RTN3: variants seen among roughly 807,000 people sequenced by gnomAD.
The protein encoded by RTN3 is reticulon-3.
A neutral mutation model predicts 77.8 loss-of-function variants in RTN3; 49 were observed. That is an observed-to-expected ratio of 0.63 (90% CI 0.50 to 0.80). RTN3 has a LOEUF of 0.80. Among genes scored for constraint, RTN3 ranks in the 30% least tolerant of loss-of-function variants. RTN3 has a pLI of 0.00. For missense variants in RTN3, 1,236 were observed against 1,211.9 expected, an observed-to-expected ratio of 1.02 and a Z score of -0.29; for synonymous variants, 464 against 446.9, an observed-to-expected ratio of 1.04 and a Z score of -0.48.
At chr11:63,736,396 A>G (rs897269897) in intron 3 of RTN3, among the ~76,000 whole-genome samples, 3 of 152,198 alleles carry the variant, frequency 2.0e-5, no homozygotes, top group Non-Finnish European at 4.4e-5. Context: ...ACAATAAAAA[A>G]TAATATAAAG....
intron 1 of RTN3, among the ~76,000 whole-genome samples, chr11:63,703,095 A>T (rs1224414528): frequency 6.6e-6 from 1 of 152,186 alleles, no homozygotes; most frequent in Non-Finnish European, 1.5e-5. Context: ...TGGACCAAAA[A>T]TATTTTTTTA....
At chr11:63,757,579 T>A (rs482846) in intron 8 of RTN3, among the ~76,000 whole-genome samples, 152,179 of 152,216 alleles carry the variant, frequency 1, 76,071 homozygotes, top group Non-Finnish European at 1. Context: ...GGCCAGGCTT[T>A]AACTTCTGGC....
At chr11:63,756,802 CT>C (rs1345442056) in intron 8 of RTN3, among the ~76,000 whole-genome samples, 1 of 152,194 alleles carries the variant, frequency 6.6e-6, no homozygotes, top group Non-Finnish European at 1.5e-5. Context: ...AATCCCAACA[CT>C]TTGGGAGGCC....
At chr11:63,736,989 T>C (rs542206894) in intron 3 of RTN3, among the ~76,000 whole-genome samples, 1,672 of 150,694 alleles carry the variant, frequency 0.011, 31 homozygotes, top group African/African-American at 0.036. Context: ...TTTTTTTTTT[T>C]CCCTGTGATA....
At chr11:63,709,456 C>T (rs976676704) in intron 2 of RTN3, among the ~76,000 whole-genome samples, 2 of 151,898 alleles carry the variant, frequency 1.3e-5, no homozygotes, top group Non-Finnish European at 2.9e-5. Context: ...GCATTGGAAG[C>T]ATTGCATTAA....
intron 3 of RTN3, chr11:63,746,818 A>T: frequency 2.7e-6 from 1 of 371,370 alleles, no homozygotes; most frequent in Non-Finnish European, 5.5e-6. Flanking sequence ...CCGGCTGTTA[A>T]GGAAATTTAA....
chr11:63,720,440 A>T lies in RTN3; in HGVS notation c.1938A>T (p.Ile646=). ...ESLHGKNVKH[I]DDSSPEDLIA... Reference sequence around the variant, plus strand: ...TACATGGGAAAAATGTTAAACATATAGATGATTCCTCCCCAGAGGACCTGA... The same window carrying T: ...TACATGGGAAAAATGTTAAACATATTGATGATTCCTCCCCAGAGGACCTGA... The change falls in exon 3 of 9, where the codon ATA becomes ATT. Residue 646 remains isoleucine (I), a synonymous_variant. Coordinates refer to ENST00000377819, the MANE Select transcript of RTN3 (RefSeq NM_001265589.2). 1 of 1,613,638 alleles carries T rather than the reference A, an allele frequency of 6.2e-7. No individual in the cohort carries two copies. Among genetic ancestry groups the T allele is most frequent in the Non-Finnish European group, 8.5e-7 (1 of 1,179,782 alleles).
Position 63,719,858 on chromosome 11 carries a change from A to ATCTC in RTN3, c.1357_1360dup (p.Pro454LeufsTer4). ...ATGACACACTTGCAGAATTACCTGG[A>ATCTC]TCTCCACCTGAGAAATGTGACTCTT... On this transcript the variant is annotated frameshift_variant, in exon 3 of 9. Coordinates refer to ENST00000377819, the MANE Select transcript of RTN3 (RefSeq NM_001265589.2). LOFTEE classifies it high-confidence loss of function. 6.2e-7 allele frequency: 1 copy of ATCTC among 1,614,180 alleles called. No individual in the cohort carries two copies.
intron 1 of RTN3, among the ~76,000 whole-genome samples, chr11:63,696,058 C>T (rs1043718604): frequency 8.0e-5 from 12 of 150,820 alleles, no homozygotes; most frequent in South Asian, 6.3e-4. Flanking sequence ...GAAACTTAAA[C>T]GGTCTAATTA....
rs1201751727 is a variant in RTN3, at chr11:63,681,504, T to C, written c.-133T>C. 2 of 910,254 alleles carry C rather than the reference T, an allele frequency of 2.2e-6. No individual in the cohort carries two copies. The highest frequency in any genetic ancestry group is 3.1e-6 in the Non-Finnish European group (2 of 643,712). 56.4% of individuals were successfully genotyped at this position (910,254 alleles called of 1,614,324 possible). ...CTGCGCTCGGCTGAGTCAGTCAGTC[T>C]GTCGGAGTCTGTCCTCGGAGCAGGC... is the stretch of plus-strand genomic sequence containing the variant. On this transcript the variant is annotated 5_prime_UTR_variant, in exon 1 of 9. Coordinates refer to ENST00000377819, the MANE Select transcript of RTN3 (RefSeq NM_001265589.2).
In RTN3 at chr11:63,719,063, A is replaced by C. The variant is rs1488926933; in HGVS notation, c.561A>C (p.Pro187=). Residue 187 remains proline, a synonymous_variant, in exon 3 of 9, where the codon CCA becomes CCC. Transcript: ENST00000377819. ...AAATAGATAAAGAGACCAAGAACCC[A>C]AATGGGGTATCAAGTAGGGAGGCTA... is the stretch of plus-strand genomic sequence containing the variant. The part of the protein sequence containing the change: ...EEQIDKETKN[P]NGVSSREAKT... 6.2e-7 allele frequency: 1 copy of C among 1,614,194 alleles called. No homozygotes were observed. Among genetic ancestry groups the C allele is most frequent in the East Asian group, 2.2e-5 (1 of 44,886 alleles).
intron 1 of RTN3, among the ~76,000 whole-genome samples, chr11:63,703,126 A>G (rs548367478): frequency 1.3e-5 from 2 of 152,226 alleles, no homozygotes; most frequent in African/African-American, 2.4e-5. Flanking sequence ...ATAAAAAAAA[A>G]CACAATTTTT....
At chr11:63,740,448 A>ATTTTTTTTTTTTTT (rs34045543) in intron 3 of RTN3, among the ~76,000 whole-genome samples, 2 of 120,750 alleles carry the variant, frequency 1.7e-5, no homozygotes, top group Non-Finnish European at 1.7e-5. Flanking sequence ...TGCCTGGCTA[A>ATTTTTTTTTTTTTT]TTTTTTTTTT....
At chr11:63,687,034 C>G (rs1941412425) in intron 1 of RTN3, among the ~76,000 whole-genome samples, 1 of 152,126 alleles carries the variant, frequency 6.6e-6, no homozygotes, top group Admixed American at 6.6e-5. Flanking sequence ...ACACTTTGTT[C>G]TACCATATTA....
chr11:63,712,312 A>G (rs1373910520), intron 2 of RTN3, among the ~76,000 whole-genome samples: 1 of 151,958 alleles, frequency 6.6e-6, no homozygotes, highest in African/African-American at 2.4e-5. Flanking sequence ...GTGTTTGGGG[A>G]CATTTATTGG....
At chr11:63,751,650 T>C (rs1313132858) in intron 4 of RTN3, among the ~76,000 whole-genome samples, 1 of 152,122 alleles carries the variant, frequency 6.6e-6, no homozygotes, top group Non-Finnish European at 1.5e-5. Context: ...TTGTATTTTC[T>C]CTTGGTGGAA....
chr11:63,721,314 C>T (rs2011778035), intron 3 of RTN3, among the ~76,000 whole-genome samples: 1 of 152,236 alleles, frequency 6.6e-6, no homozygotes, highest in Admixed American at 6.5e-5. Context: ...GTGGCTCACG[C>T]CTATAATCCC....
chr11:63,745,696 A>G (rs1323303594), intron 3 of RTN3, among the ~76,000 whole-genome samples: 1 of 152,188 alleles, frequency 6.6e-6, no homozygotes, highest in African/African-American at 2.4e-5. Flanking sequence ...TACTGCACAC[A>G]TCTAGGGGCA....
rs779655969 is a variant in RTN3 at position 63,753,628 on chromosome 11, T to C, written c.2948-34T>C. On this transcript the variant is annotated intron_variant, in intron 6 of 8. Coordinates refer to ENST00000377819, the MANE Select transcript of RTN3 (RefSeq NM_001265589.2). The stretch of plus-strand genomic sequence containing the variant: ...TCTTAAGATGTGACTGTCTCTCATA[T>C]ACACTTGCCATGTCCCATGATTCTG... 2.5e-6 allele frequency: 4 copies of C among 1,601,472 alleles called. No individual in the cohort carries two copies. The South Asian group carries it at 4.4e-5, about 18-fold the overall frequency.
Sources: gnomAD v4.1 joint callset for allele counts (sites outside exome capture counted in the v4.1 genomes callset) on GRCh38, gnomAD v4.1.1 for gene constraint, MANE v1.5 for transcripts, NCBI Gene and HGNC (gene_info 2026-07-23, HGNC 2026-07-21) for gene names.